The following NARS2 variants were observed in gnomAD, a reference collection of about 807,000 sequenced individuals.
The protein encoded by NARS2 is asparaginyl-tRNA synthetase.
NARS2 carries 60 observed loss-of-function variants against 62.9 expected under a neutral mutation model. That is an observed-to-expected ratio of 0.95 (90% confidence interval 0.77 to 1.18). The LOEUF (loss-of-function observed/expected upper bound fraction) is 1.18. NARS2 is among the 50% of genes most tolerant of loss of function. The probability of loss-of-function intolerance (pLI) is 0.00; values close to 1 mark genes in which losing one functional copy is unlikely to be tolerated. For missense variants in NARS2, 619 were observed against 576.4 expected, an observed-to-expected ratio of 1.07 and a Z score of -0.76; for synonymous variants, 196 against 200.0, an observed-to-expected ratio of 0.98 and a Z score of 0.17.
intron 11 of NARS2, 103 bp from the exon 12 acceptor site, chr11:78,443,861 C>T (rs1410858685): frequency 4.1e-6 from 3 of 735,822 alleles, no homozygotes; most frequent in Non-Finnish European, 6.9e-6. Context: ...GGCTAATTAA[C>T]TACCTACCAG....
At chr11:78,457,496 T>C (rs1858208511) in intron 11 of NARS2, among the ~76,000 whole-genome samples, 1 of 152,228 alleles carries the variant, frequency 6.6e-6, no homozygotes, top group Admixed American at 6.5e-5. Context: ...AGGCACTTCA[T>C]ACAAATGGAT....
intron 4 of NARS2, among the ~76,000 whole-genome samples, chr11:78,561,131 T>A (rs1856543926): frequency 6.6e-6 from 1 of 152,232 alleles, no homozygotes; most frequent in South Asian, 2.1e-4. Context: ...GGGAATTATT[T>A]TTAATACTTA....
chr11:78,470,425 T>C (rs917092992), intron 9 of NARS2, among the ~76,000 whole-genome samples: 6 of 152,174 alleles, frequency 3.9e-5, no homozygotes, highest in Middle Eastern at 3.2e-3. Context: ...TGAACATCCC[T>C]CTAGAGGATT....
chr11:78,490,151 A>G (rs72935730), intron 7 of NARS2, among the ~76,000 whole-genome samples: 236 of 152,326 alleles, frequency 1.5e-3, no homozygotes, highest in Non-Finnish European at 2.7e-3. Flanking sequence ...ATGTCCTTCA[A>G]CTGGTGAAGG....
chr11:78,470,284 A>T (rs118122604), intron 9 of NARS2, among the ~76,000 whole-genome samples: 97 of 152,320 alleles, frequency 6.4e-4, no homozygotes, highest in African/African-American at 2.1e-3. Flanking sequence ...TAATTTAACT[A>T]TGTGAATAGG....
chr11:78,547,269 GA>G (rs1311330370), intron 5 of NARS2, among the ~76,000 whole-genome samples: 2 of 149,396 alleles, frequency 1.3e-5, no homozygotes, highest in East Asian at 2.0e-4. Context: ...GGTAAAAGAA[GA>G]AAAAAAAAGA....
chr11:78,520,267 CTTCCTAGT>C (rs960486101), intron 6 of NARS2, among the ~76,000 whole-genome samples: 7 of 152,114 alleles, frequency 4.6e-5, no homozygotes, highest in African/African-American at 1.7e-4. Flanking sequence ...TTCCTTGCCT[CTTCCTAGT>C]TTCTGGTGGC....
intron 4 of NARS2, 42 bp downstream of exon 4, chr11:78,566,090 A>G: frequency 6.6e-7 from 1 of 1,512,330 alleles, no homozygotes; most frequent in Non-Finnish European, 8.9e-7. Flanking sequence ...AACAGTTATT[A>G]AAACTGTTTA....
At chr11:78,561,638 T>C (rs1856558191) in intron 4 of NARS2, among the ~76,000 whole-genome samples, 1 of 152,212 alleles carries the variant, frequency 6.6e-6, no homozygotes, top group South Asian at 2.1e-4. Flanking sequence ...TAGATTATCT[T>C]TTTCTTTCAC....
At chr11:78,449,839 G>C (rs56671498) in intron 11 of NARS2, among the ~76,000 whole-genome samples, 1 of 152,106 alleles carries the variant, frequency 6.6e-6, no homozygotes, top group African/African-American at 2.4e-5. Flanking sequence ...GGTGAAGAAA[G>C]AGGGGAACAT....
chr11:78,545,169 T>C (rs555623904), intron 5 of NARS2, among the ~76,000 whole-genome samples: 1 of 152,332 alleles, frequency 6.6e-6, no homozygotes, highest in African/African-American at 2.4e-5. Flanking sequence ...ACTATATTTT[T>C]CCAATTAAGT....
chr11:78,538,014 C>A (rs751572405), intron 5 of NARS2, among the ~76,000 whole-genome samples: 3 of 152,198 alleles, frequency 2.0e-5, no homozygotes, highest in Non-Finnish European at 2.9e-5. Context: ...TTAAACTGCA[C>A]TGTGTTGAGT....
chr11:78,521,141 A>G (rs183035266), intron 6 of NARS2, among the ~76,000 whole-genome samples: 1 of 151,000 alleles, frequency 6.6e-6, no homozygotes, highest in East Asian at 1.9e-4. Context: ...CATTATATCA[A>G]TTTGTTTTCT....
chr11:78,477,601 T>G lies in NARS2; in HGVS notation c.959+837A>C, dbSNP rs191637887. Among the ~76,000 whole-genome samples, 281 of 152,346 alleles carry G rather than the reference T, an allele frequency of 1.8e-3. 1 individual carries two copies. Among genetic ancestry groups the G allele is most frequent in the African/African-American group, 6.5e-3 (270 of 41,586 alleles). On this transcript the variant is annotated intron_variant, in intron 9 of 13. Transcript: ENST00000281038. ...GGCTGCGCCATGGTCTCCAGATATT[T>G]GGTCAAATAGTATTCTGAATGCTTC...
At chr11:78,484,297 A>G (rs1354727766) in intron 7 of NARS2, among the ~76,000 whole-genome samples, 1 of 152,190 alleles carries the variant, frequency 6.6e-6, no homozygotes, top group Non-Finnish European at 1.5e-5. Context: ...CTAGAAAAAA[A>G]CGTAGGCAAT....
At position 78,528,890 on chromosome 11, in the gene NARS2, G is replaced by A. The variant is rs730882155; in HGVS notation, c.641C>T (p.Pro214Leu). The change falls in exon 6 of 14, where the codon CCT becomes CTT. Residue 214 changes from proline (P) to leucine (L), a missense_variant. Transcript: ENST00000281038. Reference sequence around the variant, plus strand: ...TTGTCCTGAGACAGTTAAGAAAGCAGGAACATTGAAGAAATTCTCCTCAGG... The same window carrying A: ...TTGTCCTGAGACAGTTAAGAAAGCAAGAACATTGAAGAAATTCTCCTCAGG... ...KVPEENFFNVPAFLTVSGQLH... is the reference protein window; with the variant it reads ...KVPEENFFNVLAFLTVSGQLH... The A allele has an allele frequency of 1.5e-5, 24 of 1,612,902 alleles. No individual in the cohort carries two copies. Among genetic ancestry groups the A allele is most frequent in the Non-Finnish European group, 1.7e-5 (20 of 1,179,588 alleles).
At chr11:78,569,132 A>T (rs992162126) in intron 2 of NARS2, among the ~76,000 whole-genome samples, 14 of 150,998 alleles carry the variant, frequency 9.3e-5, no homozygotes, top group African/African-American at 2.5e-4. Context: ...TTAAAAAAAA[A>T]TTTTTTTTTA....
At chr11:78,563,278 C>A (rs1177387505) in intron 4 of NARS2, among the ~76,000 whole-genome samples, 2 of 133,904 alleles carry the variant, frequency 1.5e-5, no homozygotes, top group African/African-American at 5.7e-5. Flanking sequence ...AGTGCAGTGG[C>A]GCAATCTCGG....
Position 78,511,015 on chromosome 11 carries a change from C to G in NARS2, c.690-17820G>C, listed in dbSNP as rs976522498. 2.6e-5 allele frequency among the ~76,000 whole-genome samples: 4 copies of G among 152,168 alleles called. No individual in the cohort carries two copies. In the South Asian group the frequency reaches 6.2e-4, roughly 24 times the overall value. ...AAGAGCAGGGGTGGGGAAAGAGACT[C>G]GAGCCAAAGGAAAACAAGGAATTTT... On this transcript the variant is annotated intron_variant, in intron 6 of 13. Coordinates refer to ENST00000281038, the MANE Select transcript of NARS2 (RefSeq NM_024678.6).
Sources: allele counts gnomAD v4.1 joint callset (sites outside exome capture counted in the v4.1 genomes callset), GRCh38; gene constraint gnomAD v4.1.1; transcripts MANE v1.5; gene names NCBI Gene and HGNC (gene_info 2026-07-23, HGNC 2026-07-21).